VIPR2: variants seen among roughly 807,000 people sequenced by gnomAD.
VIPR2 encodes vasoactive intestinal peptide receptor 2, also known as vasoactive intestinal polypeptide receptor 2.
Under a neutral mutation model 58.0 loss-of-function variants are expected in VIPR2, and 48 were observed. The ratio of observed to expected loss-of-function variants is 0.83; its 90% confidence interval spans 0.66 to 1.05. VIPR2 has a LOEUF of 1.05. Among genes scored for constraint, VIPR2 ranks in the 50% least tolerant of loss-of-function variants. The pLI, the probability that VIPR2 is intolerant of heterozygous loss-of-function variation, is 0.00. For missense variants in VIPR2, 534 were observed against 558.0 expected (o/e 0.96, Z 0.43); for synonymous variants, 243 against 235.2 (o/e 1.03, Z -0.30).
rs1007682309 is a variant in VIPR2, at chr7:159,127,410, C to T, written c.151+15036G>A. On this transcript the variant is annotated intron_variant, in intron 2 of 12. Coordinates refer to ENST00000262178, the MANE Select transcript of VIPR2 (RefSeq NM_003382.5). This position sits in a 1 kb window ranked among gnomAD's most constrained non-coding sequence, Gnocchi z 4.6. ...ACTCCAAATCCAGAAATAACCAAAA[C>T]TATTAAATGAACAAGAGGATTTTTC... Among the ~76,000 whole-genome samples the T allele has an allele frequency of 2.6e-5, 4 of 152,328 alleles. No individual in the cohort carries two copies. The South Asian group carries it at 6.2e-4, about 24-fold the overall frequency.
chr7:159,138,692 G>A (rs1220771577), intron 2 of VIPR2, among the ~76,000 whole-genome samples: 8 of 152,218 alleles, frequency 5.3e-5, no homozygotes, highest in African/African-American at 1.9e-4. Flanking sequence ...CAGCTTCCAC[G>A]TGTCTGGAAG....
intron 2 of VIPR2, among the ~76,000 whole-genome samples, chr7:159,112,839 T>G (rs1246303665): frequency 3.3e-5 from 5 of 151,836 alleles, no homozygotes; most frequent in Non-Finnish European, 7.4e-5. Flanking sequence ...GGCGCCTACC[T>G]GGGACCGACC....
intron 3 of VIPR2, among the ~76,000 whole-genome samples, chr7:159,105,793 C>T (rs1281046283): frequency 6.6e-6 from 1 of 152,200 alleles, no homozygotes; most frequent in African/African-American, 2.4e-5. Flanking sequence ...CCCCATTGTG[C>T]AGACAAGGAG....
At chr7:159,084,705 G>T (rs938268322) in intron 4 of VIPR2, among the ~76,000 whole-genome samples, 5 of 152,230 alleles carry the variant, frequency 3.3e-5, no homozygotes, top group Non-Finnish European at 7.3e-5. Context: ...CTGTTGGGGG[G>T]CCTCTGCCTG....
At chr7:159,037,040 G>A (rs1854011865) in intron 6 of VIPR2, 138 bp from the exon 7 acceptor site, 3 of 1,103,060 alleles carry the variant, frequency 2.7e-6, no homozygotes, top group Admixed American at 5.5e-5. Flanking sequence ...GGGAAGGAAA[G>A]TGATTAACAC....
intron 2 of VIPR2, among the ~76,000 whole-genome samples, chr7:159,140,564 A>G (rs1346538446): frequency 2.6e-5 from 4 of 152,222 alleles, no homozygotes; most frequent in Admixed American, 2.0e-4. Context: ...TCAGATACAG[A>G]TATTTTTCCT....
chr7:159,112,188 T>C (rs768001101), intron 2 of VIPR2, among the ~76,000 whole-genome samples: 14 of 152,260 alleles, frequency 9.2e-5, no homozygotes, highest in Non-Finnish European at 1.9e-4. Context: ...TTTAAACATC[T>C]AGAGCTAATC....
rs1796728257 is a variant in VIPR2, at chr7:159,128,244, C to T, written c.151+14202G>A. 6.6e-6 allele frequency among the ~76,000 whole-genome samples: 1 copy of T among 152,232 alleles called. No homozygotes were observed. The highest frequency in any genetic ancestry group is 2.1e-4 in the South Asian group (1 of 4,824). ...GCCATGGTGTGGAACAGCTGCTGGG[C>T]CCTGGGATGTCTGCCCCATCCATAC... On this transcript the variant is annotated intron_variant, in intron 2 of 12. Transcript: ENST00000262178. The surrounding 1 kb of genome is among the most constrained non-coding windows in gnomAD (Gnocchi z 4.1).
chr7:159,031,901 C>T lies in VIPR2; in HGVS notation c.1102-32G>A, dbSNP rs1853610243. ...TGAGAAGAGATGGTCAGGCAGGACC[C>T]GCGCTCGGGGGAGGGCGGCCGCCTC... On this transcript the variant is annotated intron_variant, in intron 11 of 12. Coordinates refer to ENST00000262178, the MANE Select transcript of VIPR2 (RefSeq NM_003382.5). The surrounding 1 kb of genome is among the most constrained non-coding windows in gnomAD (Gnocchi z 4.0). 1 of 1,614,010 alleles carries T rather than the reference C, an allele frequency of 6.2e-7. No individual in the cohort carries two copies. The highest frequency in any genetic ancestry group is 1.3e-5 in the African/African-American group (1 of 74,938).
In VIPR2 at chr7:159,043,050, G is replaced by C. The variant is rs747985507; in HGVS notation, c.582C>G (p.Asp194Glu). The C allele has an allele frequency of 2.5e-6, 4 of 1,614,012 alleles. No homozygotes were observed. The highest frequency in any genetic ancestry group is 3.4e-6 in the Non-Finnish European group (4 of 1,179,996). Residue 194 changes from aspartate to glutamate, a missense_variant, in exon 6 of 13, where the codon GAC becomes GAG. By Grantham distance (45) the Asp-to-Glu change is conservative. Coordinates refer to ENST00000262178, the MANE Select transcript of VIPR2 (RefSeq NM_003382.5). ...ACAGCCTTACCCAGGAGGATGGCTGGTCAGGGCAGTGCAACGTGCCAGAGC... is the reference window on the plus strand; with the variant it reads ...ACAGCCTTACCCAGGAGGATGGCTGCTCAGGGCAGTGCAACGTGCCAGAGC... ...YSSSGTLHCP[D>E]QPSSWVGCKL...
intron 4 of VIPR2, among the ~76,000 whole-genome samples, chr7:159,078,734 G>C (rs115736971): frequency 6.6e-6 from 1 of 152,168 alleles, no homozygotes; most frequent in Non-Finnish European, 1.5e-5. Context: ...GTTGCATCGC[G>C]TTGTGCCTAC....
chr7:159,109,219 T>C (rs1033935927), intron 3 of VIPR2, among the ~76,000 whole-genome samples: 1 of 152,230 alleles, frequency 6.6e-6, no homozygotes, highest in Non-Finnish European at 1.5e-5. Flanking sequence ...AAACAAAACC[T>C]TTCTCTCAGG....
intron 4 of VIPR2, among the ~76,000 whole-genome samples, chr7:159,092,472 T>C (rs189917557): frequency 6.5e-4 from 99 of 152,246 alleles, no homozygotes; most frequent in African/African-American, 2.2e-3. Context: ...GCACTGCCCT[T>C]TGAGATATTT....
intron 2 of VIPR2, among the ~76,000 whole-genome samples, chr7:159,135,445 A>G (rs1369153613): frequency 6.6e-6 from 1 of 152,152 alleles, no homozygotes; most frequent in African/African-American, 2.4e-5. Flanking sequence ...CAAAAAATAA[A>G]TAAAATAAAA....
chr7:159,105,900 T>C (rs1330292431), intron 3 of VIPR2, among the ~76,000 whole-genome samples: 2 of 152,246 alleles, frequency 1.3e-5, no homozygotes, highest in Admixed American at 6.5e-5. Context: ...TAGTGGCCAC[T>C]ACGACTCACT....
At chr7:159,132,933 TGATTGGCATACAGATTGATTTC>T (rs1212028625) in intron 2 of VIPR2, among the ~76,000 whole-genome samples, 62 of 147,298 alleles carry the variant, frequency 4.2e-4, no homozygotes, top group Middle Eastern at 3.4e-3. Context: ...TCAGACAGAA[TGATTGGCATACAGATTGATTTC>T]AGACAGAATG....
intron 8 of VIPR2, among the ~76,000 whole-genome samples, chr7:159,035,576 C>CG (rs951346888): frequency 5.9e-5 from 9 of 152,150 alleles, no homozygotes; most frequent in Non-Finnish European, 1.0e-4. Context: ...TAGGAAGTGC[C>CG]GGGGGGCCCT....
intron 3 of VIPR2, among the ~76,000 whole-genome samples, chr7:159,108,865 C>G (rs1321813665): frequency 6.6e-6 from 1 of 152,204 alleles, no homozygotes; most frequent in African/African-American, 2.4e-5. Context: ...TTCAGGTTCT[C>G]TAAAGTGACT....
At chr7:159,115,720 C>T (rs867884660) in intron 2 of VIPR2, among the ~76,000 whole-genome samples, 2 of 152,258 alleles carry the variant, frequency 1.3e-5, no homozygotes, top group Non-Finnish European at 2.9e-5. Context: ...TTTCAGATCA[C>T]GCCCCTGACG....
Sources: gnomAD v4.1 joint callset for allele counts (sites outside exome capture counted in the v4.1 genomes callset) on GRCh38, gnomAD v4.1.1 for gene constraint, Gnocchi (gnomAD v3.1) non-coding constraint, MANE v1.5 for transcripts, NCBI Gene and HGNC (gene_info 2026-07-23, HGNC 2026-07-21) for gene names.